AGBL1: variants seen among roughly 807,000 people sequenced by gnomAD.
AGBL1 encodes cytosolic carboxypeptidase 4.
AGBL1 carries 130 observed loss-of-function variants against 118.9 expected under a neutral mutation model. That is an observed-to-expected ratio of 1.09 (90% CI 0.95 to 1.26). The LOEUF is 1.26. Among genes scored for constraint, AGBL1 ranks in the 50% most tolerant of loss-of-function variants. The pLI, the probability that AGBL1 is intolerant of heterozygous loss-of-function variation, is 0.00. For missense variants in AGBL1, 1,584 were observed against 1,298.1 expected (o/e 1.22, Z -3.38); for synonymous variants, 555 against 478.9 (o/e 1.16, Z -2.08).
At chr15:86,739,766 GGGA>G (rs2077651648) in intron 22 of AGBL1, among the ~76,000 whole-genome samples, 1 of 152,116 alleles carries the variant, frequency 6.6e-6, no homozygotes, top group Non-Finnish European at 1.5e-5. Context: ...CTGGAAACAA[GGGA>G]GGATGCAAAG....
At chr15:86,166,868 G>T (rs765605314) in intron 5 of AGBL1, among the ~76,000 whole-genome samples, 6 of 152,126 alleles carry the variant, frequency 3.9e-5, no homozygotes, top group Non-Finnish European at 7.4e-5. Context: ...TCCTGGGGAG[G>T]CCTTACATGC....
At chr15:86,555,403 T>C (rs756903150) in intron 21 of AGBL1, among the ~76,000 whole-genome samples, 13 of 152,178 alleles carry the variant, frequency 8.5e-5, no homozygotes, top group Non-Finnish European at 1.6e-4. Flanking sequence ...ATCCTGAGCT[T>C]GTAGAAATCT....
chr15:86,324,197 A>T (rs1376141276), intron 17 of AGBL1, among the ~76,000 whole-genome samples: 1 of 152,228 alleles, frequency 6.6e-6, no homozygotes, highest in Non-Finnish European at 1.5e-5. Context: ...TGATTTTCTT[A>T]GGAGGAAATA....
At chr15:86,498,111 T>G (rs185340852) in intron 18 of AGBL1, among the ~76,000 whole-genome samples, 1 of 152,082 alleles carries the variant, frequency 6.6e-6, no homozygotes, top group African/African-American at 2.4e-5. Context: ...TAACAGAAGA[T>G]AGGGTCCTTC....
At chr15:86,393,298 A>G (rs913432289) in intron 17 of AGBL1, among the ~76,000 whole-genome samples, 2 of 152,162 alleles carry the variant, frequency 1.3e-5, no homozygotes, top group East Asian at 3.8e-4. Flanking sequence ...ACTGCGTTGT[A>G]CTAGGTATAT....
chr15:86,755,636 TCTTA>T (rs2077926942), intron 22 of AGBL1, among the ~76,000 whole-genome samples: 1 of 152,124 alleles, frequency 6.6e-6, no homozygotes, highest in Non-Finnish European at 1.5e-5. Flanking sequence ...TGCCGCTCTA[TCTTA>T]CTTTTGTGAA....
chr15:86,870,049 T>A (rs569491820), intron 22 of AGBL1, among the ~76,000 whole-genome samples: 7 of 152,108 alleles, frequency 4.6e-5, no homozygotes, highest in Non-Finnish European at 1.0e-4. Flanking sequence ...TCACCCCACT[T>A]CTATTTAGAC....
intron 6 of AGBL1, among the ~76,000 whole-genome samples, chr15:86,238,810 ATTTATTT>A (rs2078595960): frequency 6.6e-6 from 1 of 152,092 alleles, no homozygotes; most frequent in South Asian, 2.1e-4. Context: ...TATTTTTCAA[ATTTATTT>A]TTTATTTTTA....
intron 22 of AGBL1, among the ~76,000 whole-genome samples, chr15:86,887,263 C>A (rs2079983800): frequency 6.6e-6 from 1 of 152,128 alleles, no homozygotes; most frequent in African/African-American, 2.4e-5. Flanking sequence ...ATGTATCTAT[C>A]TACCTACCTA....
chr15:86,608,731 G>A (rs1391368075), intron 21 of AGBL1, among the ~76,000 whole-genome samples: 1 of 152,286 alleles, frequency 6.6e-6, no homozygotes, highest in East Asian at 1.9e-4. Context: ...TCAGTCAGTT[G>A]CTGCATACCA....
intron 22 of AGBL1, among the ~76,000 whole-genome samples, chr15:86,711,639 A>G (rs2086558890): frequency 6.6e-6 from 1 of 152,192 alleles, no homozygotes; most frequent in Admixed American, 6.5e-5. Context: ...GGTCATGGCA[A>G]AGAACAGGAG....
chr15:86,336,611 A>C (rs2080373003), intron 17 of AGBL1, among the ~76,000 whole-genome samples: 1 of 152,192 alleles, frequency 6.6e-6, no homozygotes. Context: ...GGGGTGTTTC[A>C]TCAGTGTAGA....
At chr15:86,266,676 G>A (rs2079077823) in intron 12 of AGBL1, among the ~76,000 whole-genome samples, 1 of 152,224 alleles carries the variant, frequency 6.6e-6, no homozygotes, top group Non-Finnish European at 1.5e-5. Flanking sequence ...CCCGAGGCAG[G>A]TGGATCGTGA....
chr15:86,093,995 T>C (rs1278303908), intron 1 of AGBL1, among the ~76,000 whole-genome samples: 1 of 152,168 alleles, frequency 6.6e-6, no homozygotes, highest in Non-Finnish European at 1.5e-5. Flanking sequence ...CCGATTACAT[T>C]CTAATCTAGT....
chr15:87,019,393 ATGT>A (rs201344015), intron 24 of AGBL1, among the ~76,000 whole-genome samples: 58,384 of 151,874 alleles, frequency 0.38, 11,731 homozygotes, highest in East Asian at 0.51. Context: ...AGCAAAAGCA[ATGT>A]TATAACTGAA....
At chr15:86,272,776 A>C (rs2141695620) in intron 15 of AGBL1, among the ~76,000 whole-genome samples, 1 of 152,320 alleles carries the variant, frequency 6.6e-6, no homozygotes, top group South Asian at 2.1e-4. Context: ...TCAATCCCTG[A>C]TCTATTAGGA....
chr15:86,476,396 A>C (rs1021794025), intron 18 of AGBL1, among the ~76,000 whole-genome samples: 11 of 152,142 alleles, frequency 7.2e-5, no homozygotes, highest in African/African-American at 2.4e-4. Flanking sequence ...ATCTACCAAG[A>C]AAATGGAAAA....
At chr15:86,827,872 G>C (rs2079050858) in intron 22 of AGBL1, among the ~76,000 whole-genome samples, 1 of 134,876 alleles carries the variant, frequency 7.4e-6, no homozygotes, top group South Asian at 2.4e-4. Flanking sequence ...AGCCCTATCT[G>C]TGCCTTCCTG....
At chr15:86,191,234 G>T (rs570333650) in intron 5 of AGBL1, among the ~76,000 whole-genome samples, 57 of 151,196 alleles carry the variant, frequency 3.8e-4, no homozygotes, top group African/African-American at 1.3e-3. Context: ...TGTAATCCCA[G>T]CTACTTGGGA....
Sources: gnomAD v4.1 joint callset for allele counts (sites outside exome capture counted in the v4.1 genomes callset) on GRCh38, gnomAD v4.1.1 for gene constraint, MANE v1.5 for transcripts, NCBI Gene and HGNC (gene_info 2026-07-23, HGNC 2026-07-21) for gene names.